ZNF469: variants seen among roughly 807,000 people sequenced by gnomAD.
The protein encoded by ZNF469 is zinc finger protein 469.
In ZNF469, 1 loss-of-function variant was observed where a neutral mutation model predicts 1.0. That is an observed-to-expected ratio of 1.00 (90% CI 0.35 to 4.73). ZNF469 has a LOEUF of 4.73. ZNF469 is among the 30% of genes most tolerant of loss of function. ZNF469 has a pLI of 0.16. For missense variants in ZNF469, 6,100 were observed against 5,356.3 expected, an observed-to-expected ratio of 1.14 and a Z score of -4.33; for synonymous variants, 2,703 against 2,363.4, an observed-to-expected ratio of 1.14 and a Z score of -4.17.
chr16:88,248,007 C>A, the ZNF469 span, among the ~76,000 whole-genome samples: 3 of 152,148 alleles, frequency 2.0e-5, no homozygotes, highest in Admixed American at 2.0e-4. Context: ...GCTATCAGAG[C>A]AGCCAGCCTC....
At chr16:88,297,243 G>A in the ZNF469 span, among the ~76,000 whole-genome samples, 1 of 152,218 alleles carries the variant, frequency 6.6e-6, no homozygotes, top group Admixed American at 6.5e-5. Context: ...TCTCTCGGCT[G>A]TGCTGATGGC....
the ZNF469 span, among the ~76,000 whole-genome samples, chr16:88,243,940 ATATATATAT>A: frequency 2.3e-4 from 27 of 115,264 alleles, 1 homozygote; most frequent in South Asian, 1.5e-3. Context: ...ATATATATAT[ATATATATAT>A]ATAAATGTAT....
chr16:88,161,535 C>T, the ZNF469 span, among the ~76,000 whole-genome samples: 1 of 152,192 alleles, frequency 6.6e-6, no homozygotes, highest in African/African-American at 2.4e-5. Flanking sequence ...TGTTGCCTGT[C>T]ACCACTCAGC....
At chr16:88,229,056 C>A in the ZNF469 span, among the ~76,000 whole-genome samples, 14 of 152,306 alleles carry the variant, frequency 9.2e-5, no homozygotes, top group East Asian at 2.7e-3. Context: ...TAACCCATCA[C>A]CTCCCCGGGA....
the ZNF469 span, among the ~76,000 whole-genome samples, chr16:88,319,154 G>A: frequency 6.6e-6 from 1 of 152,150 alleles, no homozygotes; most frequent in Admixed American, 6.5e-5. Context: ...TCTGGATTTG[G>A]GGTTCGGGCT....
chr16:88,114,130 A>G, the ZNF469 span, among the ~76,000 whole-genome samples: 1 of 149,548 alleles, frequency 6.7e-6, no homozygotes, highest in African/African-American at 2.5e-5. Context: ...CCCACCTGTG[A>G]ATGGGGAGAA....
At chr16:88,275,378 C>G in the ZNF469 span, among the ~76,000 whole-genome samples, 2 of 152,178 alleles carry the variant, frequency 1.3e-5, no homozygotes, top group Admixed American at 6.5e-5. Flanking sequence ...TGGAAGCTAC[C>G]TGGGTTACTT....
rs2092529570 is a variant in ZNF469 at position 88,383,120 on chromosome 16, C to T, written c.-326C>T. ...GCGCGCGGCAGAGCGGCTCGGTGCC[C>T]GGCGGGCGGGCGGCCCGGGCGGGCC... On this transcript the variant is annotated 5_prime_UTR_variant, in exon 1 of 3. Transcript: ENST00000565624. Among the ~76,000 whole-genome samples the T allele has an allele frequency of 6.7e-6, 1 of 149,174 alleles. No homozygotes were observed. The highest frequency in any genetic ancestry group is 2.1e-4 in the South Asian group (1 of 4,830).
At chr16:88,131,634 G>C in the ZNF469 span, among the ~76,000 whole-genome samples, 1 of 152,254 alleles carries the variant, frequency 6.6e-6, no homozygotes, top group African/African-American at 2.4e-5. Flanking sequence ...TGGGCATCCT[G>C]TGAGGCGAGG....
chr16:88,383,792 G>C (rs1006709212), intron 1 of ZNF469, among the ~76,000 whole-genome samples: 23 of 152,112 alleles, frequency 1.5e-4, no homozygotes, highest in African/African-American at 5.5e-4. Flanking sequence ...CGCCCCGGAC[G>C]GGGGTGGGAG....
chr16:88,244,415 GGAT>G, the ZNF469 span, among the ~76,000 whole-genome samples: 1 of 150,716 alleles, frequency 6.6e-6, no homozygotes, highest in Non-Finnish European at 1.5e-5. Flanking sequence ...ATGGATGGAT[GGAT>G]GGATGGATGG....
the ZNF469 span, among the ~76,000 whole-genome samples, chr16:88,189,091 A>T: frequency 3.9e-5 from 6 of 152,126 alleles, no homozygotes; most frequent in Non-Finnish European, 2.9e-5. This position sits in a 1 kb window ranked among gnomAD's most constrained non-coding sequence, Gnocchi z 4.3. Context: ...TTGCTTATAC[A>T]CTGGCCTTCT....
At chr16:88,254,330 T>C in the ZNF469 span, among the ~76,000 whole-genome samples, 1 of 152,220 alleles carries the variant, frequency 6.6e-6, no homozygotes. Flanking sequence ...ATGGGGTCTA[T>C]GTCTAGATTC....
the ZNF469 span, among the ~76,000 whole-genome samples, chr16:88,153,472 C>A: frequency 6.6e-6 from 1 of 152,252 alleles, no homozygotes; most frequent in Non-Finnish European, 1.5e-5. Flanking sequence ...AGAATTTACC[C>A]ATTGCCCTGA....
At chr16:88,413,098 G>A (rs1187686079) in intron 1 of ZNF469, among the ~76,000 whole-genome samples, 1 of 152,114 alleles carries the variant, frequency 6.6e-6, no homozygotes, top group Non-Finnish European at 1.5e-5. Flanking sequence ...ACAAATCTGG[G>A]CCATTATCTC....
At chr16:88,366,095 T>G in the ZNF469 span, among the ~76,000 whole-genome samples, 14 of 117,980 alleles carry the variant, frequency 1.2e-4, 2 homozygotes, top group South Asian at 3.6e-3. Flanking sequence ...ACCATCATCA[T>G]CACCATCATC....
the ZNF469 span, among the ~76,000 whole-genome samples, chr16:88,105,557 G>A: frequency 1.2e-3 from 190 of 152,206 alleles, 3 homozygotes; most frequent in East Asian, 0.024. Flanking sequence ...CACCTGCCTC[G>A]GCCTCCCAAA....
chr16:88,127,816 T>G, the ZNF469 span, among the ~76,000 whole-genome samples: 1 of 152,226 alleles, frequency 6.6e-6, no homozygotes, highest in African/African-American at 2.4e-5. Context: ...CTCCATTTCT[T>G]GAAGCAACAC....
chr16:88,340,913 G>T, the ZNF469 span, among the ~76,000 whole-genome samples: 1 of 151,962 alleles, frequency 6.6e-6, no homozygotes, highest in Non-Finnish European at 1.5e-5. Flanking sequence ...CGTGGAGGAG[G>T]GCCTCGCAGA....
Sources: gnomAD v4.1 joint callset for allele counts (sites outside exome capture counted in the v4.1 genomes callset) on GRCh38, gnomAD v4.1.1 for gene constraint, Gnocchi (gnomAD v3.1) non-coding constraint, MANE v1.5 for transcripts, NCBI Gene and HGNC (gene_info 2026-07-23, HGNC 2026-07-21) for gene names.